XKR4: variants seen among roughly 807,000 people sequenced by gnomAD.
The protein encoded by XKR4 is XK related 4.
A neutral mutation model predicts 53.9 loss-of-function variants in XKR4; 12 were observed. The observed-to-expected ratio is 0.22, with a 90% confidence interval of 0.14 to 0.36. The LOEUF is 0.36. Ranked by LOEUF, XKR4 falls within the 10% of genes least tolerant of loss-of-function variation. XKR4 has a pLI of 1.00. For synonymous variants in XKR4, 354 were observed against 362.4 expected, an observed-to-expected ratio of 0.98 and a Z score of 0.26; for missense variants, 799 against 859.5, an observed-to-expected ratio of 0.93 and a Z score of 0.88.
intron 2 of XKR4, among the ~76,000 whole-genome samples, chr8:55,430,743 G>A (rs927774127): frequency 2.6e-5 from 4 of 152,120 alleles, no homozygotes; most frequent in Non-Finnish European, 5.9e-5. Flanking sequence ...GAAGGTGTAG[G>A]TAAGGTTGGT....
rs542119025 is a variant in XKR4, at chr8:55,352,388, C to T, written c.807-5290C>T. On this transcript the variant is annotated intron_variant, in intron 1 of 2. Transcript: ENST00000327381. ...TAGAATATGGGATAGGGCATAGAGG[C>T]CAAAGGTTAGGAAGAAAGGTTAAAA... Among the ~76,000 whole-genome samples, 15 of 152,230 alleles carry T rather than the reference C, an allele frequency of 9.9e-5. No homozygotes were observed. The East Asian group carries it at 2.9e-3, about 29-fold the overall frequency.
At chr8:55,154,596 C>A (rs1035452270) in intron 1 of XKR4, among the ~76,000 whole-genome samples, 1 of 152,122 alleles carries the variant, frequency 6.6e-6, no homozygotes, top group Non-Finnish European at 1.5e-5. Flanking sequence ...TTTGCCTTTC[C>A]TGGGCTTTAG....
At position 55,534,989 on chromosome 8, in the gene XKR4, G is replaced by A. The variant is rs1294347847; in HGVS notation, c.*10762G>A. 1 of 152,110 alleles carries A rather than the reference G, an allele frequency of 6.6e-6. No homozygotes were observed. The highest frequency in any genetic ancestry group is 1.5e-5 in the Non-Finnish European group (1 of 68,020). The allele number at this position is 152,110 out of a possible 1,614,324, so 9.4% of individuals were successfully genotyped here. ...AAGCAGTCTAGAGGAAAAATGAGAA[G>A]AGGAAGAAGCAGGGATTCTTTTTCT... On this transcript the variant is annotated 3_prime_UTR_variant, in exon 3 of 3. Coordinates refer to ENST00000327381, the MANE Select transcript of XKR4 (RefSeq NM_052898.2).
At chr8:55,480,045 A>T (rs549457749) in intron 2 of XKR4, among the ~76,000 whole-genome samples, 8 of 152,184 alleles carry the variant, frequency 5.3e-5, no homozygotes, top group Non-Finnish European at 1.0e-4. Context: ...TCCCTAACTC[A>T]TTTTATGAGG....
chr8:55,196,244 C>A (rs985198197), intron 1 of XKR4, among the ~76,000 whole-genome samples: 3 of 141,758 alleles, frequency 2.1e-5, no homozygotes, highest in Admixed American at 1.5e-4. Context: ...TGCAATGGTG[C>A]GATCTTGGCT....
chr8:55,509,082 AG>A (rs1405434325), intron 2 of XKR4, among the ~76,000 whole-genome samples: 1 of 152,216 alleles, frequency 6.6e-6, no homozygotes, highest in African/African-American at 2.4e-5. Context: ...GGATTGAAAA[AG>A]TTTACTTCTT....
chr8:55,105,500 A>G (rs186451078), intron 1 of XKR4, among the ~76,000 whole-genome samples: 1 of 152,206 alleles, frequency 6.6e-6, no homozygotes, highest in East Asian at 1.9e-4. Flanking sequence ...TTTCTATAGT[A>G]TTTTCCTTAG....
In XKR4 at chr8:55,184,643, T is replaced by C. The variant is rs79508122; in HGVS notation, c.806+81349T>C. On this transcript the variant is annotated intron_variant, in intron 1 of 2. Transcript: ENST00000327381. ...TCTTTGGAAACAAACTTCGTATACA[T>C]CTCTGTGCCACGCTGGGTTTCACTG... 7.0e-3 allele frequency among the ~76,000 whole-genome samples: 1,066 copies of C among 152,318 alleles called. 13 individuals carry two copies. The highest frequency in any genetic ancestry group is 0.024 in the African/African-American group (1,006 of 41,578).
At chr8:55,241,661 C>A (rs139531383) in intron 1 of XKR4, among the ~76,000 whole-genome samples, 2 of 152,208 alleles carry the variant, frequency 1.3e-5, no homozygotes, top group African/African-American at 2.4e-5. Flanking sequence ...TTCAGGGTTT[C>A]AATCATTCCC....
intron 2 of XKR4, among the ~76,000 whole-genome samples, chr8:55,413,329 TCTC>T (rs1339664866): frequency 6.6e-6 from 1 of 152,162 alleles, no homozygotes; most frequent in Non-Finnish European, 1.5e-5. Context: ...CTCAAGCAAT[TCTC>T]CTGCTGCTTC....
chr8:55,266,812 T>C (rs1470586352), intron 1 of XKR4, among the ~76,000 whole-genome samples: 1 of 152,134 alleles, frequency 6.6e-6, no homozygotes, highest in Non-Finnish European at 1.5e-5. Context: ...ACCCCTCCTC[T>C]GAGTTTGTCT....
intron 1 of XKR4, among the ~76,000 whole-genome samples, chr8:55,334,621 G>A (rs115161964): frequency 0.011 from 1,735 of 152,210 alleles, 26 homozygotes; most frequent in African/African-American, 0.039. Flanking sequence ...ACTTCATGCC[G>A]TCATAAAGAC....
chr8:55,351,110 A>T (rs1052598458), intron 1 of XKR4, among the ~76,000 whole-genome samples: 39 of 152,290 alleles, frequency 2.6e-4, no homozygotes, highest in African/African-American at 7.7e-4. Flanking sequence ...CAGCAATGTG[A>T]TGGCACTTCA....
chr8:55,413,057 T>C (rs574830789), intron 2 of XKR4, among the ~76,000 whole-genome samples: 1 of 152,356 alleles, frequency 6.6e-6, no homozygotes, highest in East Asian at 1.9e-4. Context: ...AGATTTACCC[T>C]GAGTAGTTTT....
chr8:55,140,421 T>A (rs527612721), intron 1 of XKR4, among the ~76,000 whole-genome samples: 12 of 152,376 alleles, frequency 7.9e-5, no homozygotes, highest in African/African-American at 2.9e-4. Context: ...CATGACAAGA[T>A]GCTCCTGTTG....
intron 2 of XKR4, among the ~76,000 whole-genome samples, chr8:55,445,961 G>T (rs1377643333): frequency 2.0e-5 from 3 of 152,192 alleles, no homozygotes; most frequent in African/African-American, 7.2e-5. Context: ...GCATACTTCT[G>T]AGAATCTTCC....
chr8:55,300,179 G>A (rs1228504620), intron 1 of XKR4, among the ~76,000 whole-genome samples: 3 of 152,140 alleles, frequency 2.0e-5, no homozygotes, highest in South Asian at 4.2e-4. Context: ...GAAAGGCATT[G>A]ACATTATTGA....
intron 2 of XKR4, among the ~76,000 whole-genome samples, chr8:55,461,480 C>T (rs988676915): frequency 2.6e-5 from 4 of 152,166 alleles, no homozygotes; most frequent in Non-Finnish European, 4.4e-5. Flanking sequence ...CTGTACATCA[C>T]TATCATAAAA....
At chr8:55,445,788 G>T (rs191260567) in intron 2 of XKR4, among the ~76,000 whole-genome samples, 2 of 152,310 alleles carry the variant, frequency 1.3e-5, no homozygotes, top group Admixed American at 1.3e-4. Flanking sequence ...AAAAACAATT[G>T]TAAGAGTAAC....
Sources: allele counts gnomAD v4.1 joint callset (sites outside exome capture counted in the v4.1 genomes callset), GRCh38; gene constraint gnomAD v4.1.1; transcripts MANE v1.5; gene names NCBI Gene and HGNC (gene_info 2026-07-23, HGNC 2026-07-21).